CERKL: variants seen among roughly 807,000 people sequenced by gnomAD.
The protein encoded by CERKL is ceramide kinase-like protein.
Under a neutral mutation model 63.4 loss-of-function variants are expected in CERKL, and 61 were observed. That is an observed-to-expected ratio of 0.96 (90% CI 0.78 to 1.19). The LOEUF (loss-of-function observed/expected upper bound fraction) is 1.19, where lower values mean the gene tolerates loss of function less well. Ranked by LOEUF, CERKL falls within the 50% of genes most tolerant of loss-of-function variation. CERKL has a pLI of 0.00. For missense variants in CERKL, 675 were observed against 655.5 expected (o/e 1.03, Z -0.33); for synonymous variants, 250 against 230.5 (o/e 1.08, Z -0.77).
chr2:181,590,510 A>G (rs1037126346), intron 2 of CERKL, among the ~76,000 whole-genome samples: 13 of 152,166 alleles, frequency 8.5e-5, no homozygotes. Flanking sequence ...ATATATTGGG[A>G]GAAAAATATT....
chr2:181,549,591 A>T, intron 6 of CERKL, 43 bp downstream of exon 6: 1 of 1,411,644 alleles, frequency 7.1e-7, no homozygotes, highest in Non-Finnish European at 1.0e-6. Context: ...ATATAAATCA[A>T]CATTTCCTTA....
intron 1 of CERKL, among the ~76,000 whole-genome samples, chr2:181,645,279 T>C (rs1035407759): frequency 6.6e-6 from 1 of 152,204 alleles, no homozygotes. Context: ...CACCAAGTTA[T>C]AATAGAATAG....
At chr2:181,602,384 A>G (rs1250102730) in intron 2 of CERKL, among the ~76,000 whole-genome samples, 3 of 152,162 alleles carry the variant, frequency 2.0e-5, no homozygotes, top group Non-Finnish European at 4.4e-5. Flanking sequence ...ATTAATTTTC[A>G]TTTTTACTTT....
intron 1 of CERKL, among the ~76,000 whole-genome samples, chr2:181,615,290 G>A (rs1033423570): frequency 1.1e-4 from 16 of 152,188 alleles, no homozygotes; most frequent in African/African-American, 3.6e-4. Context: ...GGTTACTTAC[G>A]GTGGTTAATA....
chr2:181,557,192 C>T (rs1341762158), intron 5 of CERKL, among the ~76,000 whole-genome samples: 3 of 152,098 alleles, frequency 2.0e-5, no homozygotes, highest in Non-Finnish European at 2.9e-5. Flanking sequence ...CTGTAGGTTG[C>T]CTGTTCACTC....
At chr2:181,597,746 C>T (rs1371586169) in intron 2 of CERKL, among the ~76,000 whole-genome samples, 1 of 152,146 alleles carries the variant, frequency 6.6e-6, no homozygotes, top group Non-Finnish European at 1.5e-5. Context: ...TCTGCTCTGC[C>T]CAGGGATTCT....
chr2:181,622,321 T>G (rs1489587581), intron 1 of CERKL, among the ~76,000 whole-genome samples: 2 of 152,196 alleles, frequency 1.3e-5, no homozygotes, highest in African/African-American at 4.8e-5. Flanking sequence ...GCTACCAACA[T>G]GTCCACCTGT....
At chr2:181,630,407 T>C (rs999383697) in intron 1 of CERKL, among the ~76,000 whole-genome samples, 1 of 152,192 alleles carries the variant, frequency 6.6e-6, no homozygotes, top group African/African-American at 2.4e-5. Flanking sequence ...AATCACGTGT[T>C]ATGGACTGAC....
intron 4 of CERKL, among the ~76,000 whole-genome samples, chr2:181,560,641 CAT>C (rs992491994): frequency 2.0e-5 from 3 of 151,892 alleles, no homozygotes; most frequent in Non-Finnish European, 4.4e-5. Context: ...GAAACTAAAA[CAT>C]AGAAAGATAA....
chr2:181,578,922 T>G (rs913246776), intron 2 of CERKL, among the ~76,000 whole-genome samples: 2 of 152,016 alleles, frequency 1.3e-5, no homozygotes, highest in Non-Finnish European at 2.9e-5. Context: ...GACAAACTTC[T>G]GGAAGTAGAA....
chr2:181,538,338 T>TTGA, intron 12 of CERKL, 94 bp from the exon 13 acceptor site: 2 of 723,930 alleles, frequency 2.8e-6, no homozygotes, highest in Admixed American at 4.4e-5. Context: ...CAAATACAAA[T>TTGA]TGATAACAAA....
intron 4 of CERKL, among the ~76,000 whole-genome samples, chr2:181,559,483 G>C (rs1043784312): frequency 6.6e-6 from 1 of 152,142 alleles, no homozygotes; most frequent in Non-Finnish European, 1.5e-5. Flanking sequence ...GAAAGCAGGT[G>C]TCACAACTCA....
chr2:181,603,725 G>A lies in CERKL; in HGVS notation c.481+112C>T, dbSNP rs375220563. ...TTTCTCACGACAAAAACTAGGAACA[G>A]AAGGAAACTATCTCAACATCACTAA... On this transcript the variant is annotated intron_variant, in intron 2 of 12. Transcript: ENST00000410087. 129 of 1,090,206 alleles carry A rather than the reference G, an allele frequency of 1.2e-4. No individual in the cohort carries two copies. In the African/African-American group the frequency reaches 1.4e-3, roughly 12 times the overall value. The allele number at this position is 1,090,206 out of a possible 1,614,324, so 67.5% of individuals were successfully genotyped here. A position where few individuals can be genotyped will look rare whatever the true frequency, so the allele number is the denominator to read the frequency against.
chr2:181,615,327 G>A (rs1005340606), intron 1 of CERKL, among the ~76,000 whole-genome samples: 1 of 152,190 alleles, frequency 6.6e-6, no homozygotes, highest in Non-Finnish European at 1.5e-5. Context: ...CAAGACTTAA[G>A]AATATTTAGC....
At chr2:181,569,646 T>A (rs1269702265) in intron 3 of CERKL, among the ~76,000 whole-genome samples, 4 of 152,188 alleles carry the variant, frequency 2.6e-5, no homozygotes, top group African/African-American at 7.2e-5. Flanking sequence ...TTCCTTCAGA[T>A]AAATGTCTTT....
intron 11 of CERKL, among the ~76,000 whole-genome samples, chr2:181,541,471 A>G (rs62189983): frequency 0.24 from 36,258 of 152,188 alleles, 5,194 homozygotes; most frequent in Non-Finnish European, 0.32. Flanking sequence ...GGTGGTAATA[A>G]GAGGTGGGGT....
chr2:181,637,183 T>C (rs942559418), intron 1 of CERKL, among the ~76,000 whole-genome samples: 2 of 152,210 alleles, frequency 1.3e-5, no homozygotes, highest in Non-Finnish European at 2.9e-5. Flanking sequence ...TATACAATAA[T>C]GATTTTAAAA....
At chr2:181,567,854 A>G (rs1000325252) in intron 3 of CERKL, among the ~76,000 whole-genome samples, 1 of 152,224 alleles carries the variant, frequency 6.6e-6, no homozygotes, top group Non-Finnish European at 1.5e-5. Context: ...TAGACAGGCT[A>G]TTGTGGGCCC....
At chr2:181,556,423 G>A (rs1688208725) in intron 5 of CERKL, among the ~76,000 whole-genome samples, 1 of 151,690 alleles carries the variant, frequency 6.6e-6, no homozygotes, top group Non-Finnish European at 1.5e-5. Flanking sequence ...GCCCCAGTGT[G>A]TGATGTTCCC....
Sources: allele counts gnomAD v4.1 joint callset (sites outside exome capture counted in the v4.1 genomes callset), GRCh38; gene constraint gnomAD v4.1.1; transcripts MANE v1.5; gene names NCBI Gene and HGNC (gene_info 2026-07-23, HGNC 2026-07-21).